NPEPL1: variants seen among roughly 807,000 people sequenced by gnomAD.
NPEPL1 encodes the protein aminopeptidase like 1, also known as probable aminopeptidase NPEPL1.
In NPEPL1, 45 loss-of-function variants were observed where a neutral mutation model predicts 52.4. The observed-to-expected ratio is 0.86, with a 90% CI of 0.68 to 1.10. The LOEUF (loss-of-function observed/expected upper bound fraction) is 1.10, where lower values mean the gene tolerates loss of function less well. Ranked by LOEUF, NPEPL1 falls within the 50% of genes least tolerant of loss-of-function variation. The pLI is 0.00. For missense variants in NPEPL1, 696 were observed against 710.9 expected (o/e 0.98, Z 0.24); for synonymous variants, 360 against 314.7 (o/e 1.14, Z -1.52).
chr20:58,701,048 C>T lies in NPEPL1; in HGVS notation c.712C>T (p.Pro238Ser), dbSNP rs766810234. ...TGGGGTTGGCAAAGCCGCCCTGCAT[C>T]CCCCAGCCCTGGCCGTCCTCAGCCA... is the stretch of plus-strand genomic sequence containing the variant. ...IYGVGKAALH[P>S]PALAVLSHTP... The change falls in exon 6 of 12, where the codon CCC becomes TCC. Residue 238 changes from proline to serine, a missense_variant. Physicochemically the swap from Pro to Ser is moderately conservative, Grantham distance 74. Transcript: ENST00000356091. 10 of 1,593,882 alleles carry T rather than the reference C, an allele frequency of 6.3e-6. No individual in the cohort carries two copies. The East Asian group carries it at 2.1e-4, about 33-fold the overall frequency.
chr20:58,714,499 CA>C, intron 10 of NPEPL1, 60 bp from the exon 11 acceptor site: 1 of 1,229,356 alleles, frequency 8.1e-7, no homozygotes, highest in Non-Finnish European at 1.1e-6. Flanking sequence ...GGCGATGGGG[CA>C]GGGTGGAGAG....
chr20:58,701,401 C>G (rs1288594038), intron 6 of NPEPL1, among the ~76,000 whole-genome samples: 2 of 140,086 alleles, frequency 1.4e-5, no homozygotes, highest in African/African-American at 5.5e-5. Context: ...CAGTTTGGGT[C>G]CAGCCAGCCC....
intron 6 of NPEPL1, chr20:58,703,574 C>T (rs565982049): frequency 2.0e-6 from 2 of 985,256 alleles, no homozygotes; most frequent in African/African-American, 3.5e-5. Flanking sequence ...TTGATGTCGG[C>T]TTGTTGTGGA....
At position 58,713,608 on chromosome 20, in the gene NPEPL1, CA is replaced by C. The variant is rs1322684050; in HGVS notation, c.1125+67del. ...GGGAACCCCACCCCACTCTTGACCT[CA>C]AGGTGGGGAAGGCAGCGCGTGGGGG... On this transcript the variant is annotated intron_variant, in intron 9 of 11. Coordinates refer to ENST00000356091, the MANE Select transcript of NPEPL1 (RefSeq NM_024663.4). This position sits in a 1 kb window ranked among gnomAD's most constrained non-coding sequence, Gnocchi z 4.6. 6.7e-7 allele frequency: 1 copy of C among 1,494,548 alleles called. No individual in the cohort carries two copies. Among genetic ancestry groups the C allele is most frequent in the Non-Finnish European group, 8.9e-7 (1 of 1,117,332 alleles). The allele number at this position is 1,494,548 out of a possible 1,614,324, so 92.6% of individuals were successfully genotyped here. A position where few individuals can be genotyped will look rare whatever the true frequency, so the allele number is the denominator to read the frequency against.
At chr20:58,706,211 GTGTGAAC>G (rs2084730268) in intron 6 of NPEPL1, among the ~76,000 whole-genome samples, 1 of 152,152 alleles carries the variant, frequency 6.6e-6, no homozygotes, top group African/African-American at 2.4e-5. Context: ...TAACCAGGAG[GTGTGAAC>G]TATTAACCAG....
At chr20:58,714,355 T>TG in intron 10 of NPEPL1, 1 of 601,646 alleles carries the variant, frequency 1.7e-6, no homozygotes, top group Non-Finnish European at 2.9e-6. Context: ...GGCCCTTTGC[T>TG]GGCTTCCCCC....
upstream of NPEPL1, chr20:58,691,899 T>G: frequency 1.0e-6 from 1 of 996,832 alleles, no homozygotes; most frequent in Non-Finnish European, 1.6e-6. Context: ...TCCCTGACCC[T>G]TGCATCTGAC....
chr20:58,694,340 C>A, intron 2 of NPEPL1, 82 bp from the exon 3 acceptor site: 1 of 1,397,976 alleles, frequency 7.2e-7, no homozygotes, highest in Non-Finnish European at 9.6e-7. Context: ...AGCTGATGTT[C>A]CGGAGGCGTT....
chr20:58,707,002 C>A, intron 6 of NPEPL1, 121 bp from the exon 7 acceptor site: 1 of 1,041,794 alleles, frequency 9.6e-7, no homozygotes, highest in Non-Finnish European at 1.5e-6. Context: ...TGGGGGCTGC[C>A]CAGGCCTGAG....
chr20:58,690,795 C>G (rs1417369154), upstream of NPEPL1, among the ~76,000 whole-genome samples: 1 of 152,194 alleles, frequency 6.6e-6, no homozygotes, highest in Non-Finnish European at 1.5e-5. Context: ...AGAAAAACAT[C>G]TCCAAAATGA....
intron 1 of NPEPL1, 133 bp downstream of exon 1, chr20:58,693,183 T>A: frequency 1.7e-6 from 1 of 597,178 alleles, no homozygotes; most frequent in Non-Finnish European, 2.1e-6. Context: ...GCCGCCTCCC[T>A]GAAGGGCTCA....
rs140317233 is a variant in NPEPL1 at position 58,701,005 on chromosome 20, G to T, written c.680-11G>T. Reference sequence around the variant, plus strand: ...CCGAGCCTAACCCAGTTCTCCCCACGCTTTCCATAGGAATCTATGGGGTTG... The same window carrying T: ...CCGAGCCTAACCCAGTTCTCCCCACTCTTTCCATAGGAATCTATGGGGTTG... On this transcript the variant is annotated splice_polypyrimidine_tract_variant and intron_variant, in intron 5 of 11. Coordinates refer to ENST00000356091, the MANE Select transcript of NPEPL1 (RefSeq NM_024663.4). The T allele has an allele frequency of 6.4e-7, 1 of 1,561,120 alleles. No individual in the cohort carries two copies. The highest frequency in any genetic ancestry group is 8.7e-7 in the Non-Finnish European group (1 of 1,152,440).
upstream of NPEPL1, among the ~76,000 whole-genome samples, chr20:58,690,755 G>T (rs1047274914): frequency 6.6e-5 from 10 of 152,172 alleles, no homozygotes; most frequent in Admixed American, 2.0e-4. Context: ...GGGTTATTCA[G>T]TCTATTCTTA....
Position 58,703,970 on chromosome 20 carries a change from A to G in NPEPL1, c.822+2812A>G, listed in dbSNP as rs370055533. Reference sequence around the variant, plus strand: ...TGGGTGTTCTGGCACCAGTGAAACAATACCTGGTTTTTTATTTTAAACCAG... The same window carrying G: ...TGGGTGTTCTGGCACCAGTGAAACAGTACCTGGTTTTTTATTTTAAACCAG... On this transcript the variant is annotated intron_variant, in intron 6 of 11. Coordinates refer to ENST00000356091, the MANE Select transcript of NPEPL1 (RefSeq NM_024663.4). 48 of 985,268 alleles carry G rather than the reference A, an allele frequency of 4.9e-5. No homozygotes were observed. In the Admixed American group the frequency reaches 4.9e-4, roughly 10 times the overall value. The allele number at this position is 985,268 out of a possible 1,614,324, so 61.0% of individuals were successfully genotyped here.
intron 7 of NPEPL1, among the ~76,000 whole-genome samples, chr20:58,709,292 C>T (rs923752329): frequency 2.0e-5 from 3 of 152,036 alleles, no homozygotes; most frequent in Admixed American, 6.6e-5. Context: ...GAAAGGAATA[C>T]GCCTCTGTCT....
In NPEPL1 at chr20:58,707,168, G is replaced by A. The variant is rs192450107; in HGVS notation, c.868G>A (p.Val290Ile). ...MKRDCGGAAA[V>I]LGAFRAAIKQ... ...GCGAGACTGCGGGGGTGCTGCGGCC[G>A]TCCTGGGGGCCTTCAGAGCCGCAAT... Residue 290 changes from valine (V) to isoleucine (I), a missense_variant, in exon 7 of 12, where the codon GTC (valine) becomes ATC (isoleucine). Transcript: ENST00000356091. 681 of 1,552,460 alleles carry A rather than the reference G, an allele frequency of 4.4e-4. 1 individual carries two copies. Among genetic ancestry groups the A allele is most frequent in the African/African-American group, 1.2e-3 (88 of 73,378 alleles).
intron 6 of NPEPL1, among the ~76,000 whole-genome samples, chr20:58,702,659 A>C (rs1199220445): frequency 6.6e-6 from 1 of 152,076 alleles, no homozygotes; most frequent in Non-Finnish European, 1.5e-5. Flanking sequence ...TTTCATTTAA[A>C]TTGATCTTCT....
At chr20:58,691,253 A>G (rs1305244274), upstream of NPEPL1, 1 of 677,946 alleles carries the variant, frequency 1.5e-6, no homozygotes, top group African/African-American at 1.8e-5. Flanking sequence ...CAATGTGTGA[A>G]AACATTCAGC....
intron 3 of NPEPL1, among the ~76,000 whole-genome samples, chr20:58,696,555 C>T (rs1165141203): frequency 6.6e-6 from 1 of 152,250 alleles, no homozygotes; most frequent in Non-Finnish European, 1.5e-5. Context: ...GCCCCCGACC[C>T]CATTGGTCCC....
Sources: gnomAD v4.1 joint callset for allele counts (sites outside exome capture counted in the v4.1 genomes callset) on GRCh38, gnomAD v4.1.1 for gene constraint, Gnocchi (gnomAD v3.1) non-coding constraint, MANE v1.5 for transcripts, NCBI Gene and HGNC (gene_info 2026-07-23, HGNC 2026-07-21) for gene names.